The following MSH3 variants were observed in gnomAD, a reference collection of about 807,000 sequenced individuals.
MSH3 encodes mutS homolog 3.
MSH3 carries 106 observed loss-of-function variants against 123.3 expected under a neutral mutation model. That is an observed-to-expected ratio of 0.86 (90% CI 0.73 to 1.01). The LOEUF is 1.01. MSH3 is among the 50% of genes least tolerant of loss of function. The probability of loss-of-function intolerance (pLI) is 0.00; values close to 1 mark genes in which losing one functional copy is unlikely to be tolerated. For synonymous variants in MSH3, 515 were observed against 481.4 expected, an observed-to-expected ratio of 1.07 and a Z score of -0.91; for missense variants, 1,459 against 1,347.6, an observed-to-expected ratio of 1.08 and a Z score of -1.29.
chr5:80,664,904 A>T (rs1365046961), intron 2 of MSH3, among the ~76,000 whole-genome samples: 1 of 151,862 alleles, frequency 6.6e-6, no homozygotes, highest in African/African-American at 2.4e-5. Context: ...AACAAAAAAG[A>T]AAAAAAACCT....
At chr5:80,833,436 T>C (rs1429027828) in intron 20 of MSH3, among the ~76,000 whole-genome samples, 1 of 152,130 alleles carries the variant, frequency 6.6e-6, no homozygotes, top group Non-Finnish European at 1.5e-5. Flanking sequence ...CTATAAACTT[T>C]ATTTATTTTT....
At chr5:80,812,512 C>T (rs552836844) in intron 19 of MSH3, among the ~76,000 whole-genome samples, 1 of 151,762 alleles carries the variant, frequency 6.6e-6, no homozygotes, top group East Asian at 1.9e-4. Context: ...TCTCAGTTAA[C>T]TCCCAAAAGA....
intron 12 of MSH3, among the ~76,000 whole-genome samples, chr5:80,748,590 A>G (rs1053606429): frequency 6.6e-6 from 1 of 152,030 alleles, no homozygotes; most frequent in Non-Finnish European, 1.5e-5. Context: ...GCATGCCATT[A>G]TTCTTAAGGC....
rs552318981 is a variant in MSH3 at position 80,826,540 on chromosome 5, G to A, written c.2813+12799G>A. Among the ~76,000 whole-genome samples the A allele has an allele frequency of 5.3e-4, 72 of 134,880 alleles. No individual in the cohort carries two copies. In the South Asian group the frequency reaches 0.017, roughly 33 times the overall value. The allele number at this position is 134,880 out of a possible 152,430, so 88.5% of individuals were successfully genotyped here. A position where few individuals can be genotyped will look rare whatever the true frequency, so the allele number is the denominator to read the frequency against. On this transcript the variant is annotated intron_variant, in intron 20 of 23. Coordinates refer to ENST00000265081, the MANE Select transcript of MSH3 (RefSeq NM_002439.5). ...GATGAAACGCTATAAACAGACAGGA[G>A]GTTAGGAATTTTTTTTTTTTTTTTT...
chr5:80,670,398 A>G (rs1219097744), intron 4 of MSH3, 89 bp downstream of exon 4: 8 of 1,293,390 alleles, frequency 6.2e-6, no homozygotes, highest in South Asian at 1.2e-5. Flanking sequence ...CTGACCTTAT[A>G]TAAAAGCTGA....
chr5:80,753,646 A>G (rs751162556), intron 12 of MSH3, among the ~76,000 whole-genome samples: 2 of 152,188 alleles, frequency 1.3e-5, no homozygotes, highest in African/African-American at 2.4e-5. Flanking sequence ...AAGACCCCAA[A>G]AAGTCTAATG....
chr5:80,840,806 C>T (rs1046871453), intron 20 of MSH3, among the ~76,000 whole-genome samples: 1 of 151,738 alleles, frequency 6.6e-6, no homozygotes, highest in Admixed American at 6.6e-5. Flanking sequence ...AATGTGTTCT[C>T]ATTGTTCAAC....
At chr5:80,655,636 C>T (rs969090583) in intron 1 of MSH3, 1 of 181,978 alleles carries the variant, frequency 5.5e-6, no homozygotes, top group South Asian at 2.0e-4. Flanking sequence ...CCAAGGGTGA[C>T]CCCTCACTTG....
At chr5:80,784,618 T>C (rs1371546281) in intron 17 of MSH3, among the ~76,000 whole-genome samples, 7 of 152,180 alleles carry the variant, frequency 4.6e-5, no homozygotes, top group Admixed American at 3.3e-4. Flanking sequence ...ACTATAGTAA[T>C]CCTATTGTGC....
chr5:80,662,873 A>G (rs1749470612), intron 2 of MSH3, among the ~76,000 whole-genome samples: 2 of 151,986 alleles, frequency 1.3e-5, no homozygotes. Flanking sequence ...GCAATTTGGG[A>G]CATACACACA....
At chr5:80,811,036 A>G (rs1744999996) in intron 19 of MSH3, among the ~76,000 whole-genome samples, 1 of 152,104 alleles carries the variant, frequency 6.6e-6, no homozygotes, top group Non-Finnish European at 1.5e-5. Flanking sequence ...TCAAGATAAA[A>G]AAAAAATTGA....
chr5:80,767,516 A>C (rs1475990855), intron 13 of MSH3, among the ~76,000 whole-genome samples: 1 of 152,068 alleles, frequency 6.6e-6, no homozygotes, highest in Admixed American at 6.5e-5. Context: ...CTGCATATTC[A>C]GTTTGTTTAG....
At chr5:80,739,929 G>T (rs924291869) in intron 10 of MSH3, among the ~76,000 whole-genome samples, 1 of 152,146 alleles carries the variant, frequency 6.6e-6, no homozygotes, top group Non-Finnish European at 1.5e-5. Context: ...TCGGGAAACT[G>T]GATGTTACCT....
At position 80,670,209 on chromosome 5, in the gene MSH3, C is replaced by T. The variant is rs201748817; in HGVS notation, c.692C>T (p.Pro231Leu). The change falls in exon 4 of 24, where the codon CCG becomes CTG. Residue 231 changes from proline to leucine, a missense_variant. Physicochemically the swap from Pro to Leu is moderately conservative, Grantham distance 98 (BLOSUM62 -3). Coordinates refer to ENST00000265081, the MANE Select transcript of MSH3 (RefSeq NM_002439.5). ...ANKRSKSIYT[P>L]LELQYIEMKQ... Reference sequence around the variant, plus strand: ...AAACGGTCCAAAAGCATCTATACGCCGCTAGAATTACAATACATAGAAATG... The same window carrying T: ...AAACGGTCCAAAAGCATCTATACGCTGCTAGAATTACAATACATAGAAATG... The T allele has an allele frequency of 2.7e-5, 43 of 1,614,020 alleles. No individual in the cohort carries two copies. In the Middle Eastern group the frequency reaches 6.6e-4, roughly 25 times the overall value.
chr5:80,679,122 A>G (rs1467051825), intron 8 of MSH3, 29 bp downstream of exon 8: 2 of 1,608,916 alleles, frequency 1.2e-6, no homozygotes, highest in Admixed American at 1.7e-5. Flanking sequence ...GGAATATAAT[A>G]CCGATTCTGA....
chr5:80,777,958 T>C (rs1452310422), intron 16 of MSH3, among the ~76,000 whole-genome samples: 6 of 152,134 alleles, frequency 3.9e-5, no homozygotes, highest in Non-Finnish European at 7.3e-5. Context: ...ACCTATGAGG[T>C]AGATATTATT....
intron 21 of MSH3, among the ~76,000 whole-genome samples, chr5:80,857,043 G>A (rs1041789741): frequency 1.3e-5 from 2 of 152,170 alleles, no homozygotes; most frequent in African/African-American, 2.4e-5. Flanking sequence ...GTTGTTTGTG[G>A]ATATTCCTTA....
chr5:80,662,233 C>T (rs1749452486), intron 2 of MSH3, among the ~76,000 whole-genome samples: 1 of 152,172 alleles, frequency 6.6e-6, no homozygotes, highest in Non-Finnish European at 1.5e-5. Context: ...GAGCAATAAA[C>T]TATACCATAT....
Position 80,862,146 on chromosome 5 carries a change from C to T in MSH3, c.3001-2667C>T, listed in dbSNP as rs145580084. Among the ~76,000 whole-genome samples the T allele has an allele frequency of 3.2e-3, 484 of 152,244 alleles. 1 individual carries two copies. Among genetic ancestry groups the T allele is most frequent in the African/African-American group, 0.011 (459 of 41,560 alleles). ...GGAGCACAGTGTCGGATCCCAGACCCTTAGGTCTTCCGGCTAAAAGTGCCT... is the reference window on the plus strand; with the variant it reads ...GGAGCACAGTGTCGGATCCCAGACCTTTAGGTCTTCCGGCTAAAAGTGCCT... On this transcript the variant is annotated intron_variant, in intron 21 of 23. Coordinates refer to ENST00000265081, the MANE Select transcript of MSH3 (RefSeq NM_002439.5).
Sources: allele counts gnomAD v4.1 joint callset (sites outside exome capture counted in the v4.1 genomes callset), GRCh38; gene constraint gnomAD v4.1.1; transcripts MANE v1.5; gene names NCBI Gene and HGNC (gene_info 2026-07-23, HGNC 2026-07-21).